Variants in TRAPPC8 observed in about 807,000 individuals in gnomAD.
TRAPPC8 encodes the protein trafficking protein particle complex subunit 8, also known as general sporulation gene 1 homolog.
A neutral mutation model predicts 174.3 loss-of-function variants in TRAPPC8; 54 were observed. The ratio of observed to expected loss-of-function variants is 0.31; its 90% confidence interval spans 0.25 to 0.39. The LOEUF (loss-of-function observed/expected upper bound fraction) is 0.39, where lower values mean the gene tolerates loss of function less well. Among genes scored for constraint, TRAPPC8 ranks in the 10% least tolerant of loss-of-function variants. The pLI, the probability that TRAPPC8 is intolerant of heterozygous loss-of-function variation, is 1.00. For missense variants in TRAPPC8, 1,531 were observed against 1,699.1 expected (o/e 0.90, Z 1.74); for synonymous variants, 630 against 579.9 (o/e 1.09, Z -1.24).
Position 31,893,402 on chromosome 18 carries a change from T to TGTGC in TRAPPC8, c.1597-2537_1597-2536insGCAC, listed in dbSNP as rs1491520716. 5.6e-3 allele frequency among the ~76,000 whole-genome samples: 770 copies of TGTGC among 138,340 alleles called. 5 individuals carry two copies. Among genetic ancestry groups the TGTGC allele is most frequent in the African/African-American group, 0.019 (717 of 38,536 alleles). 90.8% of individuals were successfully genotyped at this position (138,340 alleles called of 152,430 possible). ...CTAGGTGTGTGTGTGTGTGTGTGTG[T>TGTGC]GCGCGCGCGCGTGTGCCTGTGTGTG... On this transcript the variant is annotated intron_variant, in intron 11 of 28. Coordinates refer to ENST00000283351, the MANE Select transcript of TRAPPC8 (RefSeq NM_014939.5).
At chr18:31,856,104 TTCTC>T (rs560481390) in intron 20 of TRAPPC8, among the ~76,000 whole-genome samples, 50 of 151,496 alleles carry the variant, frequency 3.3e-4, no homozygotes, top group East Asian at 1.2e-3. Flanking sequence ...TTGTGCTTCT[TTCTC>T]TCTCTTTTTT....
At position 31,871,088 on chromosome 18, in the gene TRAPPC8, C is replaced by T. The variant is rs749669734; in HGVS notation, c.2095G>A (p.Asp699Asn). ...EKQAATHVSL[D>N]QEYDSESSQQ... ...GAGGATTCAGAATCATATTCTTGATCAAGACTTACATGAGTAGCTGCTTGT... is the reference window on the plus strand; with the variant it reads ...GAGGATTCAGAATCATATTCTTGATTAAGACTTACATGAGTAGCTGCTTGT... Residue 699 changes from aspartate to asparagine, a missense_variant, in exon 15 of 29, where the codon GAT becomes AAT. Coordinates refer to ENST00000283351, the MANE Select transcript of TRAPPC8 (RefSeq NM_014939.5). 1.3e-6 allele frequency: 2 copies of T among 1,584,808 alleles called. No homozygotes were observed. The highest frequency in any genetic ancestry group is 1.7e-6 in the Non-Finnish European group (2 of 1,162,392).
chr18:31,918,237 T>C (rs2037233715), intron 2 of TRAPPC8, among the ~76,000 whole-genome samples: 1 of 151,916 alleles, frequency 6.6e-6, no homozygotes, highest in Non-Finnish European at 1.5e-5. Flanking sequence ...GTATATATAT[T>C]TGCAAAAATA....
At chr18:31,891,540 ATAC>A (rs1486205342) in intron 11 of TRAPPC8, among the ~76,000 whole-genome samples, 4 of 152,314 alleles carry the variant, frequency 2.6e-5, no homozygotes, top group Admixed American at 6.5e-5. Flanking sequence ...ACAAAACCAC[ATAC>A]TACATTACGT....
chr18:31,901,125 T>A (rs984190003), intron 9 of TRAPPC8, 100 bp from the exon 10 acceptor site: 7 of 984,578 alleles, frequency 7.1e-6, no homozygotes, highest in Non-Finnish European at 1.0e-5. Flanking sequence ...GTTTTTTTTT[T>A]AACTGGATAC....
At chr18:31,855,514 T>C in intron 21 of TRAPPC8, 146 bp downstream of exon 21, 1 of 655,644 alleles carries the variant, frequency 1.5e-6, no homozygotes, top group Non-Finnish European at 2.5e-6. Context: ...AATGAAGAAT[T>C]AAGATGATTT....
At chr18:31,867,347 T>G in intron 17 of TRAPPC8, 55 bp downstream of exon 17, 1 of 1,192,990 alleles carries the variant, frequency 8.4e-7, no homozygotes, top group Non-Finnish European at 1.2e-6. Flanking sequence ...TTTAAAAATT[T>G]GTTTTCACCT....
chr18:31,914,150 G>A (rs1389713931), intron 4 of TRAPPC8, among the ~76,000 whole-genome samples: 31 of 139,384 alleles, frequency 2.2e-4, no homozygotes, highest in South Asian at 4.5e-4. Context: ...AAAAAAAAAA[G>A]GAGGAAAAAC....
intron 12 of TRAPPC8, among the ~76,000 whole-genome samples, chr18:31,885,095 G>A (rs566988151): frequency 6.6e-6 from 1 of 152,196 alleles, no homozygotes; most frequent in Admixed American, 6.5e-5. Context: ...CTGACCTCGT[G>A]ATCCGCCTGC....
At chr18:31,837,412 T>C (rs7235871) in intron 27 of TRAPPC8, among the ~76,000 whole-genome samples, 6,120 of 152,206 alleles carry the variant, frequency 0.04, 346 homozygotes, top group African/African-American at 0.12. Context: ...GAAACTATTC[T>C]ATGGCTGAGC....
At chr18:31,866,356 ATACTG>A (rs758138502) in intron 18 of TRAPPC8, among the ~76,000 whole-genome samples, 4 of 152,170 alleles carry the variant, frequency 2.6e-5, no homozygotes, top group African/African-American at 4.8e-5. Flanking sequence ...TGTGTAGAAC[ATACTG>A]TATAGTGCAC....
chr18:31,913,622 C>T, intron 4 of TRAPPC8, 100 bp from the exon 5 acceptor site: 3 of 905,026 alleles, frequency 3.3e-6, no homozygotes, highest in Non-Finnish European at 4.6e-6. Context: ...AAATAATCCC[C>T]CAAAAAGGCA....
At chr18:31,877,048 T>C (rs771291310) in intron 12 of TRAPPC8, among the ~76,000 whole-genome samples, 1 of 152,126 alleles carries the variant, frequency 6.6e-6, no homozygotes, top group Non-Finnish European at 1.5e-5. Context: ...GTGAGACCCA[T>C]GGAGATGTAA....
intron 11 of TRAPPC8, among the ~76,000 whole-genome samples, chr18:31,893,152 T>C (rs924697230): frequency 1.3e-4 from 20 of 152,154 alleles, no homozygotes; most frequent in Admixed American, 1.2e-3. Context: ...CTTTTGTGAA[T>C]GGTTTGTTGC....
chr18:31,871,455 A>C (rs749874121), intron 14 of TRAPPC8, among the ~76,000 whole-genome samples: 11 of 151,880 alleles, frequency 7.2e-5, no homozygotes, highest in African/African-American at 1.2e-4. Flanking sequence ...GTCAACTTTC[A>C]CCTATGATCC....
chr18:31,934,769 AG>A, intron 1 of TRAPPC8, among the ~76,000 whole-genome samples: 1 of 151,680 alleles, frequency 6.6e-6, no homozygotes, highest in African/African-American at 2.4e-5. Context: ...CTGGAGGCTG[AG>A]GCAGGAGAAT....
In TRAPPC8 at chr18:31,870,515, AG is replaced by A. The variant is rs780381673; in HGVS notation, c.2258-14del. 2 of 1,596,744 alleles carry A rather than the reference AG, an allele frequency of 1.3e-6. No individual in the cohort carries two copies. The highest frequency in any genetic ancestry group is 1.8e-5 in the Admixed American group (1 of 55,344). ...ACTGTAATTGGTTCTATTAAAAAAA[AG>A]GCCTAAATTAATAACTTTAATAAAC... On this transcript the variant is annotated splice_polypyrimidine_tract_variant and intron_variant, in intron 15 of 28. Transcript: ENST00000283351.
chr18:31,901,638 G>A (rs1354816553), intron 9 of TRAPPC8, among the ~76,000 whole-genome samples: 2 of 152,178 alleles, frequency 1.3e-5, no homozygotes, highest in Non-Finnish European at 2.9e-5. Flanking sequence ...GAATTCTGGT[G>A]TCCAGACAAT....
intron 26 of TRAPPC8, among the ~76,000 whole-genome samples, chr18:31,841,039 T>C (rs567471557): frequency 1.4e-3 from 218 of 152,146 alleles, no homozygotes; most frequent in Non-Finnish European, 2.6e-3. Context: ...CCACAAAATA[T>C]GTAAAAAGCA....
Sources: allele counts gnomAD v4.1 joint callset (sites outside exome capture counted in the v4.1 genomes callset), GRCh38; gene constraint gnomAD v4.1.1; transcripts MANE v1.5; gene names NCBI Gene and HGNC (gene_info 2026-07-23, HGNC 2026-07-21).